RYR3: variants seen among roughly 807,000 people sequenced by gnomAD.
RYR3 encodes ryanodine receptor 3.
RYR3 carries 207 observed loss-of-function variants against 584.3 expected under a neutral mutation model. The ratio of observed to expected loss-of-function variants is 0.35; its 90% CI spans 0.32 to 0.40. The LOEUF (loss-of-function observed/expected upper bound fraction) is 0.40. Among genes scored for constraint, RYR3 ranks in the 10% least tolerant of loss-of-function variants. The pLI, the probability that RYR3 is intolerant of heterozygous loss-of-function variation, is 1.00. For synonymous variants in RYR3, 2,416 were observed against 2,248.5 expected (o/e 1.07, Z -2.11); for missense variants, 5,616 against 6,089.2 (o/e 0.92, Z 2.59).
intron 1 of RYR3, among the ~76,000 whole-genome samples, chr15:33,396,218 T>C (rs2042286969): frequency 2.6e-5 from 4 of 152,182 alleles, no homozygotes. Context: ...TATACTTCAC[T>C]GAGAGAGAGC....
chr15:33,857,942 CCCACCCACTGCGGGG>C (rs949822154), intron 99 of RYR3, 28 bp downstream of exon 99: 1 of 1,609,776 alleles, frequency 6.2e-7, no homozygotes, highest in African/African-American at 1.3e-5. Context: ...GCGGGGCCAG[CCCACCCACTGCGGGG>C]CCACCCCGCC....
chr15:33,362,839 GTA>G (rs1314340736), intron 1 of RYR3, among the ~76,000 whole-genome samples: 5 of 152,154 alleles, frequency 3.3e-5, no homozygotes, highest in Non-Finnish European at 7.3e-5. Context: ...CTCCCAGATA[GTA>G]TTAACATCTT....
chr15:33,763,710 G>A (rs1316296633), intron 60 of RYR3, among the ~76,000 whole-genome samples: 4 of 151,988 alleles, frequency 2.6e-5, no homozygotes, highest in East Asian at 1.9e-4. Flanking sequence ...TGGCCAACAT[G>A]GTGAAACCCC....
chr15:33,783,299 A>G (rs118073284), intron 65 of RYR3, among the ~76,000 whole-genome samples: 187 of 152,228 alleles, frequency 1.2e-3, no homozygotes, highest in African/African-American at 4.1e-3. Context: ...AGAATTATTG[A>G]TCTAGAAGTT....
In RYR3 at chr15:33,579,825, A is replaced by C; in HGVS notation, c.1269-151A>C. 2 of 469,424 alleles carry C rather than the reference A, an allele frequency of 4.3e-6. 1 individual carries two copies. The highest frequency in any genetic ancestry group is 1.2e-4 in the South Asian group (2 of 16,246). 29.1% of individuals were successfully genotyped at this position (469,424 alleles called of 1,614,324 possible). A position where few individuals can be genotyped will look rare whatever the true frequency, so the allele number is the denominator to read the frequency against. ...CCTTCTGTTGCTCTGATATCTGGGA[A>C]ACTTCATTTTGTAGCTGCTGGTACA... On this transcript the variant is annotated intron_variant, in intron 12 of 103. Transcript: ENST00000634891.
At chr15:33,429,002 T>C (rs2044889046) in intron 1 of RYR3, among the ~76,000 whole-genome samples, 1 of 152,232 alleles carries the variant, frequency 6.6e-6, no homozygotes, top group Non-Finnish European at 1.5e-5. Flanking sequence ...AGGAACCTAG[T>C]TAAGTTGCCC....
chr15:33,780,395 G>C, intron 65 of RYR3, 54 bp downstream of exon 65: 1 of 1,585,144 alleles, frequency 6.3e-7, no homozygotes, highest in Non-Finnish European at 8.6e-7. Flanking sequence ...GAGAGGAGAG[G>C]AGCCACACAG....
At chr15:33,540,721 C>G in intron 6 of RYR3, 70 bp from the exon 7 acceptor site, 2 of 907,630 alleles carry the variant, frequency 2.2e-6, no homozygotes, top group Non-Finnish European at 3.7e-6. Context: ...CCTTGAAGTT[C>G]TAGGTGAGCT....
intron 18 of RYR3, among the ~76,000 whole-genome samples, chr15:33,611,003 C>G (rs2060155555): frequency 6.6e-6 from 1 of 152,242 alleles, no homozygotes. Context: ...TCAACCTGAA[C>G]TAGACTAGCA....
rs370532808 is a variant in RYR3, at chr15:33,642,275, C to A, written c.3557-2036C>A. On this transcript the variant is annotated intron_variant, in intron 27 of 103. Transcript: ENST00000634891. ...TTACCCCTGCTGCTCGCTTATTGCA[C>A]CATCCAGGTTCATGGAGAATGGAAT... Among the ~76,000 whole-genome samples the A allele has an allele frequency of 1.1e-4, 17 of 152,322 alleles. No homozygotes were observed. In the East Asian group the frequency reaches 3.3e-3, roughly 29 times the overall value.
At chr15:33,784,262 T>C (rs888854153) in intron 65 of RYR3, among the ~76,000 whole-genome samples, 2 of 152,230 alleles carry the variant, frequency 1.3e-5, no homozygotes, top group African/African-American at 4.8e-5. Context: ...TCCCTTTCAA[T>C]TGACCAGTGT....
At chr15:33,849,731 G>A (rs188494058) in intron 94 of RYR3, 10 of 152,358 alleles carry the variant, frequency 6.6e-5, no homozygotes, top group African/African-American at 1.4e-4. Flanking sequence ...CCTGACTCCA[G>A]GGGAAGAAAG....
At chr15:33,722,510 G>C in intron 43 of RYR3, 2 of 574,016 alleles carry the variant, frequency 3.5e-6, no homozygotes, top group South Asian at 4.9e-5. Flanking sequence ...CAAGTGCAGT[G>C]AGTGGGGTTT....
chr15:33,740,446 G>T (rs1205322997), intron 51 of RYR3, among the ~76,000 whole-genome samples: 3 of 152,182 alleles, frequency 2.0e-5, no homozygotes, highest in Non-Finnish European at 4.4e-5. Context: ...ACAGTGTGGG[G>T]TCCTCACTGG....
At chr15:33,569,688 G>A (rs762946425) in intron 12 of RYR3, among the ~76,000 whole-genome samples, 25 of 152,080 alleles carry the variant, frequency 1.6e-4, no homozygotes, top group African/African-American at 4.6e-4. Context: ...CAAAGTGGAT[G>A]TAACATTTTA....
chr15:33,771,963 C>T lies in RYR3; in HGVS notation c.8860C>T (p.Arg2954Ter), dbSNP rs1478501640. 7 of 1,613,280 alleles carry T rather than the reference C, an allele frequency of 4.3e-6. No individual in the cohort carries two copies. Among genetic ancestry groups the T allele is most frequent in the South Asian group, 3.3e-5 (3 of 90,768 alleles). ...CTCAGAGCTGGTGAAGGCTGGGTTACGAGCATTCTTTGAAAATGCTGCAGA... is the reference window on the plus strand; with the variant it reads ...CTCAGAGCTGGTGAAGGCTGGGTTATGAGCATTCTTTGAAAATGCTGCAGA... ...SGSELVKAGL[R>*]AFFENAAEDL... is the part of the protein sequence containing the mutation. The change falls in exon 63 of 104, where the codon CGA (arginine) becomes TGA (stop). Residue 2954 changes from arginine (R) to a stop codon, truncating the protein, a stop_gained. Coordinates refer to ENST00000634891, the MANE Select transcript of RYR3 (RefSeq NM_001036.6). LOFTEE classifies it high-confidence loss of function.
intron 32 of RYR3, among the ~76,000 whole-genome samples, chr15:33,656,747 C>T (rs895136989): frequency 1.3e-5 from 2 of 152,162 alleles, no homozygotes; most frequent in African/African-American, 2.4e-5. Context: ...TGCTGGCTAT[C>T]AGCCAGGGCC....
intron 65 of RYR3, among the ~76,000 whole-genome samples, chr15:33,784,649 A>G (rs551841360): frequency 6.6e-6 from 1 of 152,206 alleles, no homozygotes; most frequent in Non-Finnish European, 1.5e-5. Flanking sequence ...AAGTAGACAC[A>G]TTCTGTAGGA....
chr15:33,631,258 T>TGAG lies in RYR3; in HGVS notation c.2838_2840dup (p.Glu946dup). ...ACATTGCTCATGTTAACCCAGCTGC[T>TGAG]GAGGAGGATCTCAAGAAGGTCAAAC... On this transcript the variant is annotated inframe_insertion, in exon 23 of 104. Transcript: ENST00000634891. 1 of 1,591,146 alleles carries TGAG rather than the reference T, an allele frequency of 6.3e-7. No individual in the cohort carries two copies. The highest frequency in any genetic ancestry group is 8.6e-7 in the Non-Finnish European group (1 of 1,167,880).
Sources: gnomAD v4.1 joint callset for allele counts (sites outside exome capture counted in the v4.1 genomes callset) on GRCh38, gnomAD v4.1.1 for gene constraint, MANE v1.5 for transcripts, NCBI Gene and HGNC (gene_info 2026-07-23, HGNC 2026-07-21) for gene names.